Variants in BMF observed in about 807,000 individuals in gnomAD.
BMF encodes the protein bcl-2-modifying factor.
Under a neutral mutation model 22.0 loss-of-function variants are expected in BMF, and 10 were observed. That is an observed-to-expected ratio of 0.45 (90% CI 0.28 to 0.77). BMF has a LOEUF of 0.77. BMF is among the 30% of genes least tolerant of loss of function. The pLI is 0.13. For missense variants in BMF, 206 were observed against 226.8 expected (o/e 0.91, Z 0.59); for synonymous variants, 87 against 88.1 (o/e 0.99, Z 0.07).
rs559185610 is a variant in BMF, at chr15:40,093,338, C to G, written c.454-1450G>C. 3.3e-5 allele frequency among the ~76,000 whole-genome samples: 5 copies of G among 152,348 alleles called. No homozygotes were observed. In the East Asian group the frequency reaches 9.6e-4, roughly 29 times the overall value. Reference sequence around the variant, plus strand: ...CCGTGGAAGAGCCTGGAAAACAACCCGGCAAGCTGGAGGCGCAGCTCCTGC... The same window carrying G: ...CCGTGGAAGAGCCTGGAAAACAACCGGGCAAGCTGGAGGCGCAGCTCCTGC... On this transcript the variant is annotated intron_variant, in intron 4 of 4. Transcript: ENST00000354670.
intron 4 of BMF, among the ~76,000 whole-genome samples, chr15:40,103,615 G>C (rs1332112956): frequency 6.6e-6 from 1 of 152,220 alleles, no homozygotes; most frequent in African/African-American, 2.4e-5. Flanking sequence ...GGTCTGGGGA[G>C]CCTCTCCGAG....
At chr15:40,093,439 C>A (rs1001737211) in intron 4 of BMF, among the ~76,000 whole-genome samples, 7 of 152,120 alleles carry the variant, frequency 4.6e-5, no homozygotes, top group Admixed American at 3.3e-4. Context: ...ATGGCTTCCT[C>A]GTGTTTTGTA....
Position 40,091,858 on chromosome 15 carries a change from G to C in BMF, c.484C>G (p.Gln162Glu). 6.2e-7 allele frequency: 1 copy of C among 1,610,402 alleles called. No homozygotes were observed. Among genetic ancestry groups the C allele is most frequent in the Non-Finnish European group, 8.5e-7 (1 of 1,178,716 alleles). The change falls in exon 5 of 5, where the codon CAG becomes GAG. Residue 162 changes from glutamine to glutamate, a missense_variant. Transcript: ENST00000354670. ...HQQNQNRVWWQILLFLHNLAL... is the reference protein window; with the variant it reads ...HQQNQNRVWWEILLFLHNLAL... ...AGGTTGTGCAGGAAGAGGAGGATCT[G>C]CCACCACACACGATTTTGGTTCTGC...
intron 3 of BMF, among the ~76,000 whole-genome samples, 184 bp from the exon 4 acceptor site, chr15:40,104,524 A>C (rs2036545103): frequency 6.6e-6 from 1 of 152,216 alleles, no homozygotes; most frequent in Non-Finnish European, 1.5e-5. Flanking sequence ...AGTGCATAAA[A>C]GTTGCAGAAC....
chr15:40,108,071 G>A (rs2036623358), intron 2 of BMF, 188 bp downstream of exon 2: 1 of 152,494 alleles, frequency 6.6e-6, no homozygotes, highest in South Asian at 2.1e-4. Context: ...AACAGGGCCA[G>A]GGAATGCTTT....
intron 4 of BMF, among the ~76,000 whole-genome samples, chr15:40,093,421 G>A (rs2036288867): frequency 6.6e-6 from 1 of 152,230 alleles, no homozygotes; most frequent in African/African-American, 2.4e-5. Flanking sequence ...CAGAGGGTGG[G>A]GAGATGGATG....
Position 40,105,796 on chromosome 15 carries a change from A to G in BMF, c.291T>C (p.Tyr97=), listed in dbSNP as rs372221211. Residue 97 remains tyrosine (Y), a splice_region_variant and synonymous_variant, in exon 3 of 5, where the codon TAT becomes TAC. Transcript: ENST00000354670. ...AGTCTTGAGGCTGAGAGCACTCACC[A>G]TAAAAGAGTCGCTGGGGTTCCTCAG... The part of the protein sequence containing the change: ...GVTEEPQRLF[Y]GNAGYRLPLP... The G allele has an allele frequency of 8.1e-6, 13 of 1,604,236 alleles. No individual in the cohort carries two copies. The African/African-American group carries it at 9.4e-5, about 12-fold the overall frequency.
At chr15:40,101,968 C>A (rs544213887) in intron 4 of BMF, among the ~76,000 whole-genome samples, 2 of 152,190 alleles carry the variant, frequency 1.3e-5, no homozygotes, top group African/African-American at 4.8e-5. Flanking sequence ...AACCTGGGAG[C>A]CAGTGTGGAG....
intron 2 of BMF, among the ~76,000 whole-genome samples, chr15:40,107,810 C>T (rs912527307): frequency 1.3e-5 from 2 of 152,078 alleles, no homozygotes; most frequent in African/African-American, 4.8e-5. Flanking sequence ...TCCCCTCCCC[C>T]TCCCAGCAAA....
Position 40,090,547 on chromosome 15 carries a change from C to T in BMF, c.*1240G>A, listed in dbSNP as rs1283486561. ...GCCGCAGCAGGGAGAGAAGGGAAGA[C>T]GTGCACAGGCAGCTGTGATCCTGCT... On this transcript the variant is annotated 3_prime_UTR_variant, in exon 5 of 5. Coordinates refer to ENST00000354670, the MANE Select transcript of BMF (RefSeq NM_001003940.2). 2 of 152,690 alleles carry T rather than the reference C, an allele frequency of 1.3e-5. No homozygotes were observed. Among genetic ancestry groups the T allele is most frequent in the African/African-American group, 2.4e-5 (1 of 41,454 alleles). The allele number at this position is 152,690 out of a possible 1,614,324, so 9.5% of individuals were successfully genotyped here.
chr15:40,092,327 G>A lies in BMF; in HGVS notation c.454-439C>T, dbSNP rs369416140. ...AAGTAACACAGAGAACAAGGGGAAA[G>A]GGGGGGCCTCCATCTGCAAGTGATT... On this transcript the variant is annotated intron_variant, in intron 4 of 4. Transcript: ENST00000354670. Among the ~76,000 whole-genome samples the A allele has an allele frequency of 1.8e-3, 267 of 152,086 alleles. 1 individual carries two copies. In the South Asian group the frequency reaches 0.021, roughly 12 times the overall value.
intron 4 of BMF, among the ~76,000 whole-genome samples, chr15:40,098,985 C>T (rs2036421491): frequency 6.6e-6 from 1 of 152,214 alleles, no homozygotes; most frequent in Non-Finnish European, 1.5e-5. Flanking sequence ...CCAGCCCCGG[C>T]GCTGGCTCTC....
At chr15:40,095,719 C>T (rs1360208672) in intron 4 of BMF, among the ~76,000 whole-genome samples, 1 of 152,120 alleles carries the variant, frequency 6.6e-6, no homozygotes, top group Non-Finnish European at 1.5e-5. Context: ...AAGGCAGGGC[C>T]AAGGAATGGA....
At chr15:40,094,804 T>C (rs1173746958) in intron 4 of BMF, among the ~76,000 whole-genome samples, 1 of 152,208 alleles carries the variant, frequency 6.6e-6, no homozygotes, top group East Asian at 1.9e-4. Context: ...TGTAGAAATA[T>C]TGGAAAATAC....
intron 4 of BMF, among the ~76,000 whole-genome samples, chr15:40,098,936 G>A (rs551060560): frequency 3.9e-5 from 6 of 152,274 alleles, no homozygotes; most frequent in Non-Finnish European, 4.4e-5. Flanking sequence ...TATAGCGAGC[G>A]ATATAAACAG....
chr15:40,093,090 T>A (rs2036278145), intron 4 of BMF, among the ~76,000 whole-genome samples: 1 of 152,168 alleles, frequency 6.6e-6, no homozygotes, highest in South Asian at 2.1e-4. Context: ...GCGGCACAGC[T>A]GGAAAGGGGG....
intron 4 of BMF, among the ~76,000 whole-genome samples, chr15:40,103,598 G>A: frequency 6.6e-6 from 1 of 152,232 alleles, no homozygotes; most frequent in East Asian, 1.9e-4. Flanking sequence ...GCGCCCGGCT[G>A]GCCGCCGGTC....
intron 4 of BMF, among the ~76,000 whole-genome samples, chr15:40,092,712 G>A (rs574168525): frequency 6.6e-6 from 1 of 152,310 alleles, no homozygotes; most frequent in South Asian, 2.1e-4. Context: ...TAGGGGCAAA[G>A]TTCAGGGGTC....
chr15:40,105,900 T>C lies in BMF; in HGVS notation c.187A>G (p.Thr63Ala). 1.2e-6 allele frequency: 2 copies of C among 1,613,972 alleles called. No homozygotes were observed. The highest frequency in any genetic ancestry group is 1.7e-6 in the Non-Finnish European group (2 of 1,179,982). Residue 63 changes from threonine (T) to alanine (A), a missense_variant, in exon 3 of 5, where the codon ACC becomes GCC. Thr to Ala is a moderately conservative substitution (Grantham distance 58, BLOSUM62 0). Coordinates refer to ENST00000354670, the MANE Select transcript of BMF (RefSeq NM_001003940.2). ...THCCGPGLRP[T>A]SQEDKATQTL... ...TGGGTAGCTTTGTCTTCCTGGCTGG[T>C]GGGTCGAAGGCCAGGGCCACAGCAG...
Sources: gnomAD v4.1 joint callset for allele counts (sites outside exome capture counted in the v4.1 genomes callset) on GRCh38, gnomAD v4.1.1 for gene constraint, MANE v1.5 for transcripts, NCBI Gene and HGNC (gene_info 2026-07-23, HGNC 2026-07-21) for gene names.